OSBPL10: variants seen among roughly 807,000 people sequenced by gnomAD.
OSBPL10 encodes oxysterol-binding protein-related protein 10.
In OSBPL10, 49 loss-of-function variants were observed where a neutral mutation model predicts 81.7. That is an observed-to-expected ratio of 0.60 (90% CI 0.48 to 0.76). The LOEUF (loss-of-function observed/expected upper bound fraction) is 0.76. Among genes scored for constraint, OSBPL10 ranks in the 30% least tolerant of loss-of-function variants. OSBPL10 has a pLI of 0.00. For missense variants in OSBPL10, 923 were observed against 987.8 expected (o/e 0.93, Z 0.88); for synonymous variants, 419 against 383.6 (o/e 1.09, Z -1.08).
intron 1 of OSBPL10, among the ~76,000 whole-genome samples, chr3:31,889,696 G>T (rs1695838940): frequency 6.6e-6 from 1 of 152,058 alleles, no homozygotes; most frequent in African/African-American, 2.4e-5. Context: ...ATTTGTTAAA[G>T]GATACAAACT....
Position 31,724,018 on chromosome 3 carries a change from G to A in OSBPL10, c.1095+9239C>T, listed in dbSNP as rs146364346. Among the ~76,000 whole-genome samples, 3 of 152,312 alleles carry A rather than the reference G, an allele frequency of 2.0e-5. No homozygotes were observed. In the East Asian group the frequency reaches 5.8e-4, roughly 29 times the overall value. ...AAATTTAGGGCCATGTTTAGAGGGTGAGACTAAATACCCCAAACAACAGAA... is the reference window on the plus strand; with the variant it reads ...AAATTTAGGGCCATGTTTAGAGGGTAAGACTAAATACCCCAAACAACAGAA... On this transcript the variant is annotated intron_variant, in intron 6 of 11. Coordinates refer to ENST00000396556, the MANE Select transcript of OSBPL10 (RefSeq NM_017784.5).
chr3:32,027,334 G>T lies in OSBPL10; in HGVS notation n.298+19157C>A, dbSNP rs9871746. 4.0e-4 allele frequency among the ~76,000 whole-genome samples: 61 copies of T among 152,206 alleles called. 1 individual carries two copies. The highest frequency in any genetic ancestry group is 5.8e-4 in the East Asian group (3 of 5,174). ...ACTATATCTTGGCTATAATTATGTA[G>T]GAAAACAATGAAATATGGGTCAGAA... On this transcript the variant is annotated intron_variant and non_coding_transcript_variant, in intron 2 of 3. Transcript: ENST00000479173.
At chr3:31,953,636 G>A (rs1469826425) in intron 1 of OSBPL10, among the ~76,000 whole-genome samples, 1 of 152,130 alleles carries the variant, frequency 6.6e-6, no homozygotes, top group African/African-American at 2.4e-5. Flanking sequence ...AAGCTCCTGG[G>A]CTCAAGCAAT....
intron 8 of OSBPL10, among the ~76,000 whole-genome samples, chr3:31,678,105 A>G (rs971659939): frequency 3.5e-5 from 5 of 144,396 alleles, no homozygotes; most frequent in Admixed American, 2.1e-4. Context: ...AAAAAAAAAA[A>G]AAAGACAGAG....
chr3:31,680,842 T>C (rs984390783), intron 8 of OSBPL10, among the ~76,000 whole-genome samples: 1 of 152,164 alleles, frequency 6.6e-6, no homozygotes, highest in Non-Finnish European at 1.5e-5. Context: ...ACAACTCCTC[T>C]TTAAGAAGAG....
Position 31,990,008 on chromosome 3 carries a change from G to A in OSBPL10, n.298+56483C>T, listed in dbSNP as rs772199973. 4 of 1,614,086 alleles carry A rather than the reference G, an allele frequency of 2.5e-6. No homozygotes were observed. The South Asian group carries it at 4.4e-5, about 18-fold the overall frequency. On this transcript the variant is annotated intron_variant and non_coding_transcript_variant, in intron 2 of 3. Transcript: ENST00000479173. The stretch of plus-strand genomic sequence containing the variant: ...GCAAGTCATCATAGACTTCATACTG[G>A]AGAGAAACCTTACAAATGTGAAGAA...
At chr3:31,814,273 A>C (rs971171230) in intron 4 of OSBPL10, among the ~76,000 whole-genome samples, 12 of 152,214 alleles carry the variant, frequency 7.9e-5, no homozygotes, top group African/African-American at 2.7e-4. Context: ...ACTAAATCAT[A>C]AACACAAAGT....
intron 4 of OSBPL10, among the ~76,000 whole-genome samples, chr3:31,785,637 T>C (rs1177865392): frequency 6.6e-6 from 1 of 151,174 alleles, no homozygotes; most frequent in Non-Finnish European, 1.5e-5. Flanking sequence ...CTCTGAGCCG[T>C]TTTTTTTTCT....
rs774067639 is a variant in OSBPL10 at position 31,683,814 on chromosome 3, T to C, written c.1546A>G (p.Met516Val). The C allele has an allele frequency of 2.4e-5, 38 of 1,614,168 alleles. No individual in the cohort carries two copies. The highest frequency in any genetic ancestry group is 3.1e-5 in the Non-Finnish European group (37 of 1,180,032). ...TAGCTTTTGGAAGGGTCATCGGCCA[T>C]TGGGTGTTCGTGACAGCTGGCAGGA... ...RSPASCHEHPMADDPSKSYKL... is the reference protein window; with the variant it reads ...RSPASCHEHPVADDPSKSYKL... Residue 516 changes from methionine to valine, a missense_variant, in exon 8 of 12, where the codon ATG becomes GTG. Physicochemically the swap from Met to Val is conservative, Grantham distance 21 (BLOSUM62 1). This residue lies in a region of OSBPL10 where 387 missense variants were observed against 436.3 expected (regional missense o/e 0.89). Coordinates refer to ENST00000396556, the MANE Select transcript of OSBPL10 (RefSeq NM_017784.5).
intron 3 of OSBPL10, among the ~76,000 whole-genome samples, chr3:31,830,519 C>T (rs566312940): frequency 9.2e-5 from 14 of 152,292 alleles, no homozygotes; most frequent in South Asian, 2.1e-4. Flanking sequence ...GACCCACACA[C>T]CATGGACGCT....
intron 1 of OSBPL10, among the ~76,000 whole-genome samples, chr3:32,054,521 G>T (rs9855930): frequency 0.76 from 104,560 of 137,646 alleles, 40,350 homozygotes; most frequent in East Asian, 1. Context: ...CCTGGTCAAT[G>T]GTGGCTTTTT....
At chr3:31,943,846 T>C (rs1697608402) in intron 1 of OSBPL10, among the ~76,000 whole-genome samples, 1 of 151,728 alleles carries the variant, frequency 6.6e-6, no homozygotes, top group African/African-American at 2.4e-5. Flanking sequence ...CACGCACCTG[T>C]AGTCCCAGCT....
In OSBPL10 at chr3:31,670,995, G is replaced by A. The variant is rs749813898; in HGVS notation, c.1727-12C>T. ...GAGCCTCAACACACCTCCAGGGAGA[G>A]AGGAGGGAGAGTTAGGCATGCAAAC... On this transcript the variant is annotated splice_polypyrimidine_tract_variant and intron_variant, in intron 8 of 11. Transcript: ENST00000396556. The A allele has an allele frequency of 5.0e-6, 8 of 1,597,062 alleles. No homozygotes were observed. In the South Asian group the frequency reaches 6.7e-5, roughly 13 times the overall value.
rs1489564203 is a variant in OSBPL10 at position 32,041,877 on chromosome 3, C to T, written n.298+4614G>A. 2.0e-5 allele frequency among the ~76,000 whole-genome samples: 3 copies of T among 152,116 alleles called. No homozygotes were observed. The East Asian group carries it at 5.8e-4, about 29-fold the overall frequency. On this transcript the variant is annotated intron_variant and non_coding_transcript_variant, in intron 2 of 3. Coordinates refer to the OSBPL10 transcript ENST00000479173. ...GTTTCACCATGTTGGCCAGGCTGGT[C>T]TCGAACTCCTGACCTCAGGTGATCT...
At chr3:31,760,698 G>T (rs972732516) in intron 4 of OSBPL10, among the ~76,000 whole-genome samples, 2 of 152,084 alleles carry the variant, frequency 1.3e-5, no homozygotes, top group Non-Finnish European at 2.9e-5. Flanking sequence ...AACTTTTTAT[G>T]AAAATGGCTA....
intron 1 of OSBPL10, among the ~76,000 whole-genome samples, chr3:31,915,159 C>A (rs920010907): frequency 2.1e-5 from 3 of 144,780 alleles, no homozygotes; most frequent in African/African-American, 7.4e-5. Flanking sequence ...GCTTTGAACA[C>A]ATTTTTTTTT....
intron 1 of OSBPL10, among the ~76,000 whole-genome samples, chr3:32,071,445 C>T (rs1699827730): frequency 6.6e-6 from 1 of 152,218 alleles, no homozygotes; most frequent in African/African-American, 2.4e-5. Context: ...CACACTAGCT[C>T]TCCCTGACTC....
intron 1 of OSBPL10, among the ~76,000 whole-genome samples, chr3:32,068,947 C>T (rs150358940): frequency 0.023 from 3,450 of 151,986 alleles, 136 homozygotes; most frequent in African/African-American, 0.079. Flanking sequence ...TTGTTCAGCC[C>T]CTGCTCCCCT....
chr3:31,699,855 T>C (rs543861517), intron 7 of OSBPL10, among the ~76,000 whole-genome samples: 1 of 152,228 alleles, frequency 6.6e-6, no homozygotes, highest in Non-Finnish European at 1.5e-5. Flanking sequence ...ACCTTCATCC[T>C]TGAGGTGAAG....
Sources: allele counts gnomAD v4.1 joint callset (sites outside exome capture counted in the v4.1 genomes callset), GRCh38; gene constraint gnomAD v4.1.1; regional missense constraint gnomAD v4.1.1; transcripts MANE v1.5; gene names NCBI Gene and HGNC (gene_info 2026-07-23, HGNC 2026-07-21).